Variants in FTSJ3 observed in about 807,000 individuals in gnomAD.
The protein encoded by FTSJ3 is pre-rRNA 2'-O-ribose RNA methyltransferase FTSJ3.
FTSJ3 carries 46 observed loss-of-function variants against 111.5 expected under a neutral mutation model. The ratio of observed to expected loss-of-function variants is 0.41; its 90% CI spans 0.33 to 0.53. The LOEUF (loss-of-function observed/expected upper bound fraction) is 0.53, where lower values mean the gene tolerates loss of function less well. FTSJ3 is among the 20% of genes least tolerant of loss of function. The pLI is 0.19. For missense variants in FTSJ3, 1,075 were observed against 1,063.8 expected, an observed-to-expected ratio of 1.01 and a Z score of -0.15; for synonymous variants, 408 against 383.0, an observed-to-expected ratio of 1.07 and a Z score of -0.76.
intron 10 of FTSJ3, 85 bp from the exon 11 acceptor site, chr17:63,824,496 G>A (rs1023723731): frequency 9.3e-6 from 14 of 1,508,492 alleles, no homozygotes; most frequent in African/African-American, 6.9e-5. Context: ...CCCACCTTTC[G>A]GGCTTCGGCT....
In FTSJ3 at chr17:63,822,147, C is replaced by T. The variant is rs779116061; in HGVS notation, c.1312G>A (p.Gly438Arg). The T allele has an allele frequency of 1.2e-6, 2 of 1,613,908 alleles. No individual in the cohort carries two copies. Among genetic ancestry groups the T allele is most frequent in the African/African-American group, 1.3e-5 (1 of 75,030 alleles). The change falls in exon 14 of 21, where the codon GGG (glycine) becomes AGG (arginine). Residue 438 changes from glycine to arginine, a missense_variant. Physicochemically the swap from Gly to Arg is moderately radical, Grantham distance 125. Transcript: ENST00000427159. Reference protein sequence around the residue: ...GHQLLEEVTQGDMSAADTFLS... With the variant: ...GHQLLEEVTQRDMSAADTFLS... Reference sequence around the variant, plus strand: ...AATGTGTCTGCTGCACTCATATCCCCTTGTGTTACTTCCTCTAATAACTGA... The same window carrying T: ...AATGTGTCTGCTGCACTCATATCCCTTTGTGTTACTTCCTCTAATAACTGA...
chr17:63,824,451 C>T, intron 10 of FTSJ3, 40 bp from the exon 11 acceptor site: 2 of 1,603,418 alleles, frequency 1.2e-6, no homozygotes, highest in Non-Finnish European at 1.7e-6. Context: ...CCATCTCCCT[C>T]TTTGTCCCCG....
chr17:63,819,727 C>A lies in FTSJ3; in HGVS notation c.*75G>T. 1 of 1,389,220 alleles carries A rather than the reference C, an allele frequency of 7.2e-7. No individual in the cohort carries two copies. The highest frequency in any genetic ancestry group is 2.3e-5 in the East Asian group (1 of 43,624). The allele number at this position is 1,389,220 out of a possible 1,614,324, so 86.1% of individuals were successfully genotyped here. On this transcript the variant is annotated 3_prime_UTR_variant, in exon 21 of 21. Transcript: ENST00000427159. ...TGTGAGCAGGGGCTAGGCCGGTAATCAAGGGGGCCAGACTGAGCCATGCCA... is the reference window on the plus strand; with the variant it reads ...TGTGAGCAGGGGCTAGGCCGGTAATAAAGGGGGCCAGACTGAGCCATGCCA...
Position 63,827,611 on chromosome 17 carries a change from G to A in FTSJ3, c.-586C>T. On this transcript the variant is annotated 5_prime_UTR_variant, in exon 1 of 21. Coordinates refer to ENST00000427159, the MANE Select transcript of FTSJ3 (RefSeq NM_017647.4). The stretch of plus-strand genomic sequence containing the variant: ...GCGGGCCGGGGCAGGAGCGTCGGGT[G>A]GGTCGGAGGTGCCTGGACCAGTCCA... The A allele has an allele frequency of 6.5e-7, 1 of 1,549,018 alleles. No homozygotes were observed. The highest frequency in any genetic ancestry group is 2.4e-5 in the East Asian group (1 of 40,882).
chr17:63,826,531 G>T (rs558406063), intron 3 of FTSJ3, 36 bp downstream of exon 3: 2 of 1,536,186 alleles, frequency 1.3e-6, no homozygotes, highest in South Asian at 2.2e-5. Context: ...CCCAGAAAGC[G>T]GCCACCAGGA....
At position 63,827,050 on chromosome 17, in the gene FTSJ3, A is replaced by C. The variant is rs1263786598; in HGVS notation, c.-27+2T>G. On this transcript the variant is annotated splice_donor_variant, in intron 1 of 20. Transcript: ENST00000427159. LOFTEE classifies it low-confidence loss of function (5UTR_SPLICE). The stretch of plus-strand genomic sequence containing the variant: ...CACCCCGCGCCCCTCTCCGCACACT[A>C]CCTAGACCCAGAGCCGCTTTCTCCA... 6 of 742,596 alleles carry C rather than the reference A, an allele frequency of 8.1e-6. No individual in the cohort carries two copies. Among genetic ancestry groups the C allele is most frequent in the Non-Finnish European group, 1.2e-5 (5 of 431,944 alleles). 46.0% of individuals were successfully genotyped at this position (742,596 alleles called of 1,614,324 possible).
chr17:63,824,812 GC>G lies in FTSJ3; in HGVS notation c.816+12del. 6.2e-7 allele frequency: 1 copy of G among 1,610,332 alleles called. No homozygotes were observed. The highest frequency in any genetic ancestry group is 8.5e-7 in the Non-Finnish European group (1 of 1,176,664). On this transcript the variant is annotated intron_variant, in intron 9 of 20. Transcript: ENST00000427159. Reference sequence around the variant, plus strand: ...CTGGGGCTACCTCATGTCCCTCAAGGCTGGAGACTCACTTCGCTGGCCTTGG... The same window carrying G: ...CTGGGGCTACCTCATGTCCCTCAAGGTGGAGACTCACTTCGCTGGCCTTGG...
At chr17:63,820,208 T>TCCCCCCCCCCCCCCCCCCCCCC in intron 19 of FTSJ3, 35 bp from the exon 20 acceptor site, 1 of 694,922 alleles carries the variant, frequency 1.4e-6, no homozygotes, top group South Asian at 1.5e-5. Flanking sequence ...CTCTTCCCCA[T>TCCCCCCCCCCCCCCCCCCCCCC]CCCCCCACCC....
chr17:63,820,682 C>T (rs2040040638), intron 18 of FTSJ3, among the ~76,000 whole-genome samples, 157 bp downstream of exon 18: 1 of 87,734 alleles, frequency 1.1e-5, no homozygotes, highest in Non-Finnish European at 2.2e-5. Context: ...AGAAGGCTGA[C>T]TCAAGCGATT....
intron 16 of FTSJ3, 69 bp downstream of exon 16, chr17:63,821,285 C>T (rs915145173): frequency 6.5e-7 from 1 of 1,537,978 alleles, no homozygotes; most frequent in South Asian, 1.2e-5. Context: ...GATTAAGAAC[C>T]CCCAATTTAG....
rs148010496 is a variant in FTSJ3 at position 63,819,578 on chromosome 17, C to A, written c.*224G>T. On this transcript the variant is annotated 3_prime_UTR_variant, in exon 21 of 21. Coordinates refer to ENST00000427159, the MANE Select transcript of FTSJ3 (RefSeq NM_017647.4). ...GGTTTAAAAAAAGGGTCATGAGTGTCAACACAGTTCAGCAGTGTTTTCATG... is the reference window on the plus strand; with the variant it reads ...GGTTTAAAAAAAGGGTCATGAGTGTAAACACAGTTCAGCAGTGTTTTCATG... The A allele has an allele frequency of 4.9e-4, 262 of 537,290 alleles. 2 individuals are homozygous for A. The highest frequency in any genetic ancestry group is 4.7e-3 in the African/African-American group (252 of 53,260). 33.3% of individuals were successfully genotyped at this position (537,290 alleles called of 1,614,324 possible).
Position 63,819,989 on chromosome 17 carries a change from T to C in FTSJ3, c.2357A>G (p.Tyr786Cys). ...REKVAQLRSL[Y>C]KKAGLGKEKR... is the part of the protein sequence containing the mutation. ...CTCCTTGCCAAGCCCAGCCTTCTTG[T>C]AGAGACTACAGGGGGGAAGAGAAGA... The change falls in exon 21 of 21, where the codon TAC becomes TGC. Residue 786 changes from tyrosine to cysteine, a missense_variant. By Grantham distance (194) the Tyr-to-Cys change is radical. Transcript: ENST00000427159. 1 of 1,614,136 alleles carries C rather than the reference T, an allele frequency of 6.2e-7. No individual in the cohort carries two copies. The highest frequency in any genetic ancestry group is 8.5e-7 in the Non-Finnish European group (1 of 1,179,992).
intron 11 of FTSJ3, 26 bp from the exon 12 acceptor site, chr17:63,824,265 G>A: frequency 1.2e-6 from 2 of 1,614,112 alleles, no homozygotes; most frequent in South Asian, 2.2e-5. Context: ...CAAGAGTTGG[G>A]TTATTTTCCC....
At chr17:63,823,692 T>C in intron 13 of FTSJ3, 125 bp downstream of exon 13, 1 of 1,045,610 alleles carries the variant, frequency 9.6e-7, no homozygotes, top group East Asian at 2.4e-5. Context: ...CAAGGCACCC[T>C]GTGGTGAAGA....
rs761866815 is a variant in FTSJ3, at chr17:63,825,890, AAAT to A, written c.300+163_300+165del. On this transcript the variant is annotated intron_variant, in intron 5 of 20. Transcript: ENST00000427159. The stretch of plus-strand genomic sequence containing the variant: ...TCCAAACACCTTTATCCCTGACTCT[AAAT>A]AAAGCCTGGAGTGGACACTACGAAT... 1.8e-3 allele frequency: 1,189 copies of A among 661,952 alleles called. 4 individuals are homozygous for A. The highest frequency in any genetic ancestry group is 2.6e-3 in the Non-Finnish European group (986 of 381,384). The allele number at this position is 661,952 out of a possible 1,614,324, so 41.0% of individuals were successfully genotyped here.
chr17:63,826,266 A>T lies in FTSJ3; in HGVS notation c.212T>A (p.Leu71His). The T allele has an allele frequency of 6.2e-7, 1 of 1,614,204 alleles. No individual in the cohort carries two copies. ...VAAKFMPVSS[L>H]IVGVDLVPIK... is the part of the protein sequence containing the mutation. ...AGCTGTCCGTTACTCACCCACAATA[A>T]GGCTGGATACAGGCATAAACTTGGC... The change falls in exon 4 of 21, where the codon CTT becomes CAT. Residue 71 changes from leucine (L) to histidine (H), a missense_variant. Coordinates refer to ENST00000427159, the MANE Select transcript of FTSJ3 (RefSeq NM_017647.4).
At chr17:63,824,036 A>G in intron 12 of FTSJ3, 48 bp downstream of exon 12, 1 of 1,613,640 alleles carries the variant, frequency 6.2e-7, no homozygotes, top group East Asian at 2.2e-5. Flanking sequence ...CCATCTTCAC[A>G]CAGTCCCTGC....
In FTSJ3 at chr17:63,821,556, G is replaced by A. The variant is rs368767519; in HGVS notation, c.1684C>T (p.Arg562Trp). The A allele has an allele frequency of 1.3e-5, 21 of 1,613,824 alleles. No homozygotes were observed. In the South Asian group the frequency reaches 1.3e-4, roughly 10 times the overall value. Residue 562 changes from arginine (R) to tryptophan (W), a missense_variant, in exon 16 of 21, where the codon CGG becomes TGG. Physicochemically the swap from Arg to Trp is moderately radical, Grantham distance 101. Transcript: ENST00000427159. Reference protein sequence around the residue: ...QLLFENRRKGRQQQQKQQLPQ... With the variant: ...QLLFENRRKGWQQQQKQQLPQ... Reference sequence around the variant, plus strand: ...AGCTGCTGCTTCTGCTGCTGCTGCCGTCCCTTCCGCCGGTTCTCAAATAAC... The same window carrying A: ...AGCTGCTGCTTCTGCTGCTGCTGCCATCCCTTCCGCCGGTTCTCAAATAAC...
Position 63,820,060 on chromosome 17 carries a change from T to C in FTSJ3, c.2351+19A>G. The stretch of plus-strand genomic sequence containing the variant: ...CTGCACTTTTAGCCCTGTGTACCTT[T>C]GTGGTGTCCTCCCATTACCTTCGCA... On this transcript the variant is annotated intron_variant, in intron 20 of 20. Coordinates refer to ENST00000427159, the MANE Select transcript of FTSJ3 (RefSeq NM_017647.4). 1 of 1,614,108 alleles carries C rather than the reference T, an allele frequency of 6.2e-7. No homozygotes were observed. Among genetic ancestry groups the C allele is most frequent in the Admixed American group, 1.7e-5 (1 of 60,026 alleles).
Sources: gnomAD v4.1 joint callset for allele counts (sites outside exome capture counted in the v4.1 genomes callset) on GRCh38, gnomAD v4.1.1 for gene constraint, MANE v1.5 for transcripts, NCBI Gene and HGNC (gene_info 2026-07-23, HGNC 2026-07-21) for gene names.